The following JAK2 variants were observed in gnomAD, a reference collection of about 807,000 sequenced individuals.
JAK2 encodes the protein Janus kinase 2.
JAK2 carries 86 observed loss-of-function variants against 139.3 expected under a neutral mutation model. The observed-to-expected ratio is 0.62, with a 90% confidence interval of 0.52 to 0.74. The LOEUF is 0.74. JAK2 is among the 30% of genes least tolerant of loss of function. JAK2 has a pLI of 0.00. For synonymous variants in JAK2, 490 were observed against 437.7 expected, an observed-to-expected ratio of 1.12 and a Z score of -1.49; for missense variants, 1,421 against 1,360.3, an observed-to-expected ratio of 1.04 and a Z score of -0.70.
At chr9:5,074,022 A>G (rs1819145344) in intron 14 of JAK2, among the ~76,000 whole-genome samples, 1 of 152,196 alleles carries the variant, frequency 6.6e-6, no homozygotes, top group South Asian at 2.1e-4. Context: ...ATTATAGTAA[A>G]CAAATGTCTA....
At chr9:4,989,785 C>A (rs1422940809) in intron 2 of JAK2, among the ~76,000 whole-genome samples, 4 of 152,148 alleles carry the variant, frequency 2.6e-5, no homozygotes, top group Non-Finnish European at 4.4e-5. Context: ...GTTCAGAGAG[C>A]AGTACATAAA....
rs773481435 is a variant in JAK2, at chr9:5,080,347, A to C, written c.2250A>C (p.Gly750=). The part of the protein sequence containing the change: ...GTTLWEICSG[G]DKPLSALDSQ... ...CTTTGTGGGAAATCTGCAGTGGAGG[A>C]GATAAACCTCTAAGTGCTCTGGATT... The change falls in exon 17 of 25, where the codon GGA becomes GGC. Residue 750 remains glycine, a synonymous_variant. Coordinates refer to ENST00000381652, the MANE Select transcript of JAK2 (RefSeq NM_004972.4). 6 of 1,613,746 alleles carry C rather than the reference A, an allele frequency of 3.7e-6. No homozygotes were observed. Among genetic ancestry groups the C allele is most frequent in the Non-Finnish European group, 5.1e-6 (6 of 1,179,744 alleles).
At chr9:5,104,668 T>G (rs1023827522) in intron 22 of JAK2, among the ~76,000 whole-genome samples, 1 of 152,224 alleles carries the variant, frequency 6.6e-6, no homozygotes, top group South Asian at 2.1e-4. Context: ...AATAAAATAC[T>G]GGCAAACCCA....
chr9:4,987,360 G>T (rs913692367), intron 2 of JAK2, among the ~76,000 whole-genome samples: 2 of 152,152 alleles, frequency 1.3e-5, no homozygotes, highest in Non-Finnish European at 2.9e-5. Context: ...AAGGTGGGAT[G>T]CTTTTGAGGC....
Position 5,069,022 on chromosome 9 carries a change from C to A in JAK2, c.1327C>A (p.Arg443=). The A allele has an allele frequency of 3.9e-6, 6 of 1,552,608 alleles. No homozygotes were observed. Among genetic ancestry groups the A allele is most frequent in the Non-Finnish European group, 5.3e-6 (6 of 1,139,364 alleles). The change falls in exon 11 of 25, where the codon CGA becomes AGA. Residue 443 remains arginine, a splice_region_variant and synonymous_variant. Transcript: ENST00000381652. ...TTTCTTTATAATTAAACTTATACAG[C>A]GAGAAAATGTCATTGAATATAAACA... The part of the protein sequence containing the change: ...NKYFLTFAVE[R]ENVIEYKHCL...
intron 8 of JAK2, among the ~76,000 whole-genome samples, chr9:5,057,251 C>A (rs990143364): frequency 6.6e-6 from 1 of 151,786 alleles, no homozygotes. Flanking sequence ...GTGTATTTTC[C>A]TACCAAATTA....
At position 5,123,108 on chromosome 9, in the gene JAK2, A is replaced by G. The variant is rs1349849518; in HGVS notation, c.3164A>G (p.Lys1055Arg). 10 of 1,597,030 alleles carry G rather than the reference A, an allele frequency of 6.3e-6. No individual in the cohort carries two copies. Among genetic ancestry groups the G allele is most frequent in the South Asian group, 3.4e-5 (3 of 88,420 alleles). Residue 1055 changes from lysine to arginine, a missense_variant, in exon 23 of 25, where the codon AAA becomes AGA. Coordinates refer to ENST00000381652, the MANE Select transcript of JAK2 (RefSeq NM_004972.4). ...CTTTTCACATACATTGAGAAGAGTA[A>G]AAGTCCACCAGCGGTCAGTGTGCTT... Reference protein sequence around the residue: ...YELFTYIEKSKSPPAEFMRMI... With the variant: ...YELFTYIEKSRSPPAEFMRMI...
At chr9:4,998,281 G>A (rs1483435381) in intron 2 of JAK2, among the ~76,000 whole-genome samples, 1 of 152,074 alleles carries the variant, frequency 6.6e-6, no homozygotes, top group Admixed American at 6.6e-5. Flanking sequence ...TGTTGAGATG[G>A]AGTCTTGCTC....
At chr9:5,123,828 T>G (rs1405399284) in intron 23 of JAK2, among the ~76,000 whole-genome samples, 1 of 151,628 alleles carries the variant, frequency 6.6e-6, no homozygotes, top group African/African-American at 2.4e-5. Context: ...TTTTTCTCTC[T>G]CTCATTTTTT....
chr9:5,104,839 T>C (rs757596244), intron 22 of JAK2, among the ~76,000 whole-genome samples: 7 of 152,046 alleles, frequency 4.6e-5, no homozygotes, highest in Non-Finnish European at 8.8e-5. Context: ...GCACAAAAGG[T>C]CTTTGACAAA....
intron 2 of JAK2, among the ~76,000 whole-genome samples, chr9:5,006,020 A>G (rs531596490): frequency 2.0e-5 from 3 of 152,262 alleles, no homozygotes; most frequent in African/African-American, 7.2e-5. Flanking sequence ...GTTTTTTCCA[A>G]TTCTGTGAAG....
intron 2 of JAK2, among the ~76,000 whole-genome samples, chr9:5,010,931 T>C (rs1418599428): frequency 6.6e-6 from 1 of 152,210 alleles, no homozygotes; most frequent in Non-Finnish European, 1.5e-5. Context: ...GGTTGACAGC[T>C]TTCCCCCTCT....
chr9:5,060,163 CTAA>C (rs1371403021), intron 8 of JAK2, among the ~76,000 whole-genome samples: 2 of 152,112 alleles, frequency 1.3e-5, no homozygotes, highest in Non-Finnish European at 2.9e-5. Context: ...CTAAAAAATC[CTAA>C]TGATAATCTG....
At chr9:5,091,061 CT>C in intron 22 of JAK2, 150 bp downstream of exon 22, 1 of 574,444 alleles carries the variant, frequency 1.7e-6, no homozygotes, top group South Asian at 2.6e-5. Flanking sequence ...TTTTTTAGGT[CT>C]TATAGTCATG....
intron 22 of JAK2, among the ~76,000 whole-genome samples, chr9:5,116,101 T>C (rs1247293635): frequency 2.0e-5 from 3 of 152,168 alleles, no homozygotes; most frequent in African/African-American, 4.8e-5. Flanking sequence ...TAGGCTTACA[T>C]TGGGCTAAAT....
intron 4 of JAK2, among the ~76,000 whole-genome samples, chr9:5,031,818 C>T (rs1323657987): frequency 6.6e-6 from 1 of 152,212 alleles, no homozygotes; most frequent in Non-Finnish European, 1.5e-5. Flanking sequence ...CAGTCTACAG[C>T]TCCCAGCATG....
At chr9:4,994,968 A>G (rs953504495) in intron 2 of JAK2, among the ~76,000 whole-genome samples, 2 of 152,178 alleles carry the variant, frequency 1.3e-5, no homozygotes, top group African/African-American at 4.8e-5. Context: ...GACTATAACT[A>G]AAGATTAAGT....
intron 22 of JAK2, chr9:5,109,640 A>G (rs1822272558): frequency 6.6e-6 from 1 of 152,174 alleles, no homozygotes; most frequent in South Asian, 2.1e-4. Flanking sequence ...GCCTCATCCC[A>G]ACGTTTATAT....
chr9:5,022,228 A>C lies in JAK2; in HGVS notation c.226+15A>C. ...TAAAGCTTGTGGTAAGTATTAAAAA[A>C]CAGCATTTTCCTTTTTATGCATGGA... On this transcript the variant is annotated intron_variant, in intron 3 of 24. Coordinates refer to ENST00000381652, the MANE Select transcript of JAK2 (RefSeq NM_004972.4). 1 of 1,582,914 alleles carries C rather than the reference A, an allele frequency of 6.3e-7. No individual in the cohort carries two copies. Among genetic ancestry groups the C allele is most frequent in the Non-Finnish European group, 8.7e-7 (1 of 1,152,234 alleles).
Sources: allele counts gnomAD v4.1 joint callset (sites outside exome capture counted in the v4.1 genomes callset), GRCh38; gene constraint gnomAD v4.1.1; transcripts MANE v1.5; gene names NCBI Gene and HGNC (gene_info 2026-07-23, HGNC 2026-07-21).